Variants in CACNA1H observed in about 807,000 individuals in gnomAD.
CACNA1H encodes calcium voltage-gated channel subunit alpha1 H.
In CACNA1H, 149 loss-of-function variants were observed where a neutral mutation model predicts 192.5. The observed-to-expected ratio is 0.77, with a 90% CI of 0.68 to 0.89. CACNA1H has a LOEUF of 0.89. CACNA1H is among the 40% of genes least tolerant of loss of function. The pLI is 0.00. For missense variants in CACNA1H, 4,257 were observed against 3,423.5 expected, an observed-to-expected ratio of 1.24 and a Z score of -6.08; for synonymous variants, 2,202 against 1,475.2, an observed-to-expected ratio of 1.49 and a Z score of -11.29.
At chr16:1,217,082 C>A (rs985890654) in intron 31 of CACNA1H, 72 bp downstream of exon 31, 11 of 1,290,340 alleles carry the variant, frequency 8.5e-6, no homozygotes, top group Admixed American at 8.0e-5. Flanking sequence ...CATCCACTCA[C>A]ACGCAGGCAC....
At chr16:1,217,082 C>G in intron 31 of CACNA1H, 72 bp downstream of exon 31, 1 of 1,290,462 alleles carries the variant, frequency 7.7e-7, no homozygotes, top group Non-Finnish European at 1.1e-6. Context: ...CATCCACTCA[C>G]ACGCAGGCAC....
In CACNA1H at chr16:1,212,444, G is replaced by C. The variant is rs1969566874; in HGVS notation, c.4760-67G>C. On this transcript the variant is annotated intron_variant, in intron 25 of 34. Coordinates refer to ENST00000348261, the MANE Select transcript of CACNA1H (RefSeq NM_021098.3). The stretch of plus-strand genomic sequence containing the variant: ...CCCGAGACACGGGGGCTGAGGGAGA[G>C]CAGGGAGGGCTCCAGGCCCGAGTGC... 1.1e-5 allele frequency: 16 copies of C among 1,489,116 alleles called. No individual in the cohort carries two copies. In the East Asian group the frequency reaches 3.8e-4, roughly 35 times the overall value. The allele number at this position is 1,489,116 out of a possible 1,614,324, so 92.2% of individuals were successfully genotyped here.
At chr16:1,187,356 T>C (rs7191794) in intron 2 of CACNA1H, among the ~76,000 whole-genome samples, 12,626 of 152,226 alleles carry the variant, frequency 0.083, 1,424 homozygotes, top group African/African-American at 0.26. Context: ...AGAGTCCTGG[T>C]TGCCTGTGAC....
intron 2 of CACNA1H, among the ~76,000 whole-genome samples, chr16:1,164,519 G>A (rs1000250958): frequency 1.3e-5 from 2 of 152,194 alleles, no homozygotes; most frequent in African/African-American, 4.8e-5. Context: ...CTCTCAGCCT[G>A]ATAACTGAGA....
rs373469167 is a variant in CACNA1H at position 1,201,751 on chromosome 16, G to T, written c.1301G>T (p.Arg434Leu). 6.2e-7 allele frequency: 1 copy of T among 1,609,044 alleles called. No homozygotes were observed. ...ETKQRESQLM[R>L]EQRARHLSND... ...AAGCAGCGGGAGAGTCAGCTGATGC[G>T]GGAGCAGCGGGCACGCCACCTGTCC... Residue 434 changes from arginine to leucine, a missense_variant, in exon 9 of 35, where the codon CGG becomes CTG. Coordinates refer to ENST00000348261, the MANE Select transcript of CACNA1H (RefSeq NM_021098.3).
chr16:1,217,795 G>A (rs929536043), intron 31 of CACNA1H, 124 bp from the exon 32 acceptor site: 25 of 1,309,560 alleles, frequency 1.9e-5, no homozygotes, highest in African/African-American at 1.2e-4. Flanking sequence ...CCAGGGCCTC[G>A]TCATCCACAT....
intron 2 of CACNA1H, among the ~76,000 whole-genome samples, chr16:1,181,922 T>C (rs879760730): frequency 9.1e-4 from 138 of 152,162 alleles, no homozygotes; most frequent in African/African-American, 3.1e-3. Context: ...CCCTCACACA[T>C]GCATGTCCCC....
intron 2 of CACNA1H, among the ~76,000 whole-genome samples, chr16:1,173,510 G>A (rs779206136): frequency 6.6e-6 from 1 of 152,234 alleles, no homozygotes; most frequent in Non-Finnish European, 1.5e-5. Context: ...TTAAAAAATT[G>A]TTTACTAACT....
intron 2 of CACNA1H, among the ~76,000 whole-genome samples, chr16:1,173,379 A>G (rs1319229765): frequency 6.6e-6 from 1 of 152,182 alleles, no homozygotes; most frequent in African/African-American, 2.4e-5. Context: ...CCTCCAGAAC[A>G]GCGGCTGCGC....
intron 33 of CACNA1H, 52 bp downstream of exon 33, chr16:1,218,703 G>T: frequency 8.5e-7 from 1 of 1,181,580 alleles, no homozygotes; most frequent in Non-Finnish European, 1.2e-6. Context: ...GGACAGGGAG[G>T]AAGATGGGGG....
At chr16:1,172,900 C>G (rs1157060051) in intron 2 of CACNA1H, among the ~76,000 whole-genome samples, 2 of 151,830 alleles carry the variant, frequency 1.3e-5, no homozygotes, top group Non-Finnish European at 2.9e-5. Context: ...CGTGGGGACT[C>G]TCGCAGTCAC....
intron 2 of CACNA1H, among the ~76,000 whole-genome samples, chr16:1,185,527 C>T (rs575094801): frequency 1.7e-5 from 2 of 120,652 alleles, no homozygotes; most frequent in South Asian, 6.0e-4. Flanking sequence ...GTCTGCTTTT[C>T]TGGGGAACCC....
chr16:1,210,934 C>T lies in CACNA1H; in HGVS notation c.4186C>T (p.Arg1396Cys), dbSNP rs780840457. ...AGGAKILGVL[R>C]VLRLLRTLRP... ...TGGCGCCAAGATCCTGGGTGTTCTG[C>T]GCGTGCTGCGTCTGCTGCGGACCCT... Residue 1396 changes from arginine to cysteine, a missense_variant, in exon 21 of 35, where the codon CGC becomes TGC. Arg to Cys is a radical substitution (Grantham distance 180). Coordinates refer to ENST00000348261, the MANE Select transcript of CACNA1H (RefSeq NM_021098.3). 7 of 1,601,254 alleles carry T rather than the reference C, an allele frequency of 4.4e-6. No homozygotes were observed. In the Admixed American group the frequency reaches 6.7e-5, roughly 15 times the overall value.
rs755669926 is a variant in CACNA1H, at chr16:1,220,344, G to A, written c.6412G>A (p.Val2138Met). The A allele has an allele frequency of 3.4e-5, 53 of 1,545,566 alleles. No homozygotes were observed. Among genetic ancestry groups the A allele is most frequent in the East Asian group, 3.0e-4 (13 of 42,792 alleles). Residue 2138 changes from valine (V) to methionine (M), a missense_variant, in exon 35 of 35, where the codon GTG becomes ATG. Val to Met is a conservative substitution (Grantham distance 21). Coordinates refer to ENST00000348261, the MANE Select transcript of CACNA1H (RefSeq NM_021098.3). ...GCGGGACCTGCGCAGGCTCTACAGC[G>A]TGGATGCTCAGGGCTTCCTGGACAA... ...GERDLRRLYS[V>M]DAQGFLDKPG...
At position 1,200,351 on chromosome 16, in the gene CACNA1H, A is replaced by G. The variant is rs1195218337; in HGVS notation, c.899A>G (p.Gln300Arg). ...TCCTCACGCCGAGACAACGGCATGC[A>G]GAAGTGCTCGCACATCCCCGGCCGC... is the stretch of plus-strand genomic sequence containing the variant. The part of the protein sequence containing the change: ...ICSSRRDNGM[Q>R]KCSHIPGRRE... The change falls in exon 7 of 35, where the codon CAG becomes CGG. Residue 300 changes from glutamine to arginine, a missense_variant. Coordinates refer to ENST00000348261, the MANE Select transcript of CACNA1H (RefSeq NM_021098.3). 6 of 1,602,022 alleles carry G rather than the reference A, an allele frequency of 3.7e-6. No individual in the cohort carries two copies. In the African/African-American group the frequency reaches 5.3e-5, roughly 14 times the overall value.
Position 1,206,296 on chromosome 16 carries a change from G to T in CACNA1H, c.2789+7G>T. On this transcript the variant is annotated splice_region_variant and intron_variant, in intron 12 of 34. Coordinates refer to ENST00000348261, the MANE Select transcript of CACNA1H (RefSeq NM_021098.3). Reference sequence around the variant, plus strand: ...TCTTCATTTTCATCTTCAGGTGGGCGCAACCCCCCTCCCGGCCCGCCCAGT... The same window carrying T: ...TCTTCATTTTCATCTTCAGGTGGGCTCAACCCCCCTCCCGGCCCGCCCAGT... 2 of 1,550,624 alleles carry T rather than the reference G, an allele frequency of 1.3e-6. No homozygotes were observed. The highest frequency in any genetic ancestry group is 1.2e-5 in the South Asian group (1 of 84,110).
intron 2 of CACNA1H, among the ~76,000 whole-genome samples, chr16:1,164,074 G>A (rs1963502931): frequency 2.0e-5 from 3 of 152,208 alleles, no homozygotes. Flanking sequence ...CGGGTATGGA[G>A]GCCGGCACAG....
At position 1,220,116 on chromosome 16, in the gene CACNA1H, C is replaced by T; in HGVS notation, c.6184C>T (p.Pro2062Ser). Residue 2062 changes from proline (P) to serine (S), a missense_variant, in exon 35 of 35, where the codon CCA (proline) becomes TCA (serine). Physicochemically the swap from Pro to Ser is moderately conservative, Grantham distance 74 (BLOSUM62 -1). Coordinates refer to ENST00000348261, the MANE Select transcript of CACNA1H (RefSeq NM_021098.3). ...GGSLQSPPRS[P>S]RPASVRTRKH... Reference sequence around the variant, plus strand: ...CTCCCTGCAGTCCCCACCACGCTCCCCACGGCCCGCCAGCGTCCGCACTCG... The same window carrying T: ...CTCCCTGCAGTCCCCACCACGCTCCTCACGGCCCGCCAGCGTCCGCACTCG... 2.0e-6 allele frequency: 3 copies of T among 1,490,048 alleles called. No homozygotes were observed. Among genetic ancestry groups the T allele is most frequent in the Non-Finnish European group, 2.7e-6 (3 of 1,121,832 alleles). The allele number at this position is 1,490,048 out of a possible 1,614,324, so 92.3% of individuals were successfully genotyped here. A position where few individuals can be genotyped will look rare whatever the true frequency, so the allele number is the denominator to read the frequency against.
At chr16:1,171,715 C>T (rs547455244) in intron 2 of CACNA1H, among the ~76,000 whole-genome samples, 3 of 152,336 alleles carry the variant, frequency 2.0e-5, no homozygotes, top group African/African-American at 4.8e-5. Context: ...GACCACCACC[C>T]TCCCTCCCTC....
Sources: allele counts gnomAD v4.1 joint callset (sites outside exome capture counted in the v4.1 genomes callset), GRCh38; gene constraint gnomAD v4.1.1; transcripts MANE v1.5; gene names NCBI Gene and HGNC (gene_info 2026-07-23, HGNC 2026-07-21).